The following EML5 variants were observed in gnomAD, a reference collection of about 807,000 sequenced individuals.
EML5 encodes the protein EMAP like 5.
A neutral mutation model predicts 250.0 loss-of-function variants in EML5; 120 were observed. That is an observed-to-expected ratio of 0.48 (90% CI 0.41 to 0.56). The LOEUF (loss-of-function observed/expected upper bound fraction) is 0.56. EML5 is among the 20% of genes least tolerant of loss of function. The pLI is 0.00. For synonymous variants in EML5, 771 were observed against 806.5 expected (o/e 0.96, Z 0.75); for missense variants, 2,006 against 2,437.6 (o/e 0.82, Z 3.73).
intron 1 of EML5, among the ~76,000 whole-genome samples, chr14:88,770,549 G>A (rs890664060): frequency 1.3e-5 from 2 of 152,132 alleles, no homozygotes; most frequent in African/African-American, 4.8e-5. Context: ...GTGGGATCCA[G>A]TACACAAGCA....
chr14:88,679,527 A>C (rs1457902157), intron 21 of EML5, among the ~76,000 whole-genome samples: 2 of 151,922 alleles, frequency 1.3e-5, no homozygotes, highest in Non-Finnish European at 2.9e-5. Flanking sequence ...CTCCATCTCT[A>C]CTAAAAATAC....
intron 27 of EML5, among the ~76,000 whole-genome samples, chr14:88,650,153 G>A (rs2091550364): frequency 6.6e-6 from 1 of 152,152 alleles, no homozygotes; most frequent in African/African-American, 2.4e-5. Flanking sequence ...CATAATATTT[G>A]TTATAAAAAC....
intron 7 of EML5, among the ~76,000 whole-genome samples, chr14:88,734,862 A>G (rs1273900757): frequency 1.3e-5 from 2 of 152,178 alleles, no homozygotes; most frequent in Non-Finnish European, 2.9e-5. Flanking sequence ...AAGGGAAGGA[A>G]GAAAGCTGTA....
intron 21 of EML5, among the ~76,000 whole-genome samples, chr14:88,679,841 A>T (rs2092680624): frequency 6.6e-6 from 1 of 152,222 alleles, no homozygotes; most frequent in South Asian, 2.1e-4. Context: ...GATTATACTT[A>T]TATTTTCATC....
chr14:88,618,294 A>G lies in EML5; in HGVS notation c.5576T>C (p.Val1859Ala), dbSNP rs2088090957. ...SGCYKRHVYE[V>A]PSGKHLMDHA... ...ATCCATAAGATGTTTTCCTGAAGGC[A>G]CTTCATAGACATGCCGTTTATAGCA... Residue 1859 changes from valine (V) to alanine (A), a missense_variant, in exon 41 of 44, where the codon GTG becomes GCG. Around this residue, in one of 7 missense-constraint regions of EML5, gnomAD observed 405 missense variants for 523.3 expected, o/e 0.77. Transcript: ENST00000554922. 1.2e-6 allele frequency: 2 copies of G among 1,613,826 alleles called. No homozygotes were observed. The highest frequency in any genetic ancestry group is 8.5e-7 in the Non-Finnish European group (1 of 1,179,862).
chr14:88,630,023 ATTTTTTTTTT>A (rs58382081), intron 33 of EML5, among the ~76,000 whole-genome samples: 6 of 84,236 alleles, frequency 7.1e-5, no homozygotes, highest in East Asian at 7.3e-4. Context: ...TAAAAACTGT[ATTTTTTTTTT>A]TTTTTTTTTT....
chr14:88,658,087 T>C, intron 26 of EML5, 100 bp downstream of exon 26: 2 of 1,215,456 alleles, frequency 1.6e-6, no homozygotes, highest in South Asian at 2.8e-5. Flanking sequence ...ACCACTACAA[T>C]TATTCAAACA....
At chr14:88,681,723 A>T (rs2092717138) in intron 21 of EML5, among the ~76,000 whole-genome samples, 167 bp downstream of exon 21, 1 of 152,212 alleles carries the variant, frequency 6.6e-6, no homozygotes, top group African/African-American at 2.4e-5. Context: ...GCCAAGACTG[A>T]GTACAATTAC....
chr14:88,719,607 A>C (rs2093557990), intron 8 of EML5, among the ~76,000 whole-genome samples: 1 of 152,008 alleles, frequency 6.6e-6, no homozygotes, highest in South Asian at 2.1e-4. Flanking sequence ...TCAAAGTTCC[A>C]TATGTGTATA....
At chr14:88,785,260 C>G (rs527237375) in intron 1 of EML5, among the ~76,000 whole-genome samples, 10 of 152,038 alleles carry the variant, frequency 6.6e-5, no homozygotes, top group Non-Finnish European at 1.2e-4. Context: ...ATGAATAAGA[C>G]CATTTGATGG....
intron 2 of EML5, among the ~76,000 whole-genome samples, chr14:88,749,174 A>G (rs1181043456): frequency 6.6e-6 from 1 of 152,148 alleles, no homozygotes; most frequent in East Asian, 1.9e-4. Context: ...GCAAATTCTA[A>G]ACAGCAGCCA....
intron 29 of EML5, among the ~76,000 whole-genome samples, chr14:88,646,006 A>G (rs138790766): frequency 1.3e-5 from 2 of 152,298 alleles, no homozygotes; most frequent in Admixed American, 6.5e-5. Context: ...TATCTCAACC[A>G]TTATTCAAAT....
chr14:88,685,210 C>T lies in EML5; in HGVS notation c.2855-68G>A, dbSNP rs2092805287. ...TATAATACAACAGTGTATATATTGC[C>T]AATTAAGCTATTTTGACAGTGAAAA... On this transcript the variant is annotated intron_variant, in intron 19 of 43. Coordinates refer to ENST00000554922, the MANE Select transcript of EML5 (RefSeq NM_183387.3). 8 of 1,308,130 alleles carry T rather than the reference C, an allele frequency of 6.1e-6. No individual in the cohort carries two copies. The East Asian group carries it at 2.0e-4, about 33-fold the overall frequency. The allele number at this position is 1,308,130 out of a possible 1,614,324, so 81.0% of individuals were successfully genotyped here.
intron 21 of EML5, among the ~76,000 whole-genome samples, chr14:88,677,609 A>T (rs1313318312): frequency 6.6e-6 from 1 of 152,242 alleles, no homozygotes; most frequent in Non-Finnish European, 1.5e-5. Flanking sequence ...ATTCACAAGA[A>T]ATAACCCCAT....
At chr14:88,749,685 T>C (rs1390836650) in intron 2 of EML5, among the ~76,000 whole-genome samples, 2 of 152,108 alleles carry the variant, frequency 1.3e-5, no homozygotes, top group Non-Finnish European at 2.9e-5. Context: ...CAAATATACA[T>C]GAAATATCAT....
At chr14:88,627,958 A>C (rs1307609256) in intron 33 of EML5, 139 bp from the exon 34 acceptor site, 2 of 858,998 alleles carry the variant, frequency 2.3e-6, no homozygotes, top group Non-Finnish European at 3.8e-6. Context: ...ACAGCTCAAA[A>C]CTAAGGCTAA....
At chr14:88,692,747 G>A (rs888166786) in intron 17 of EML5, among the ~76,000 whole-genome samples, 2 of 152,286 alleles carry the variant, frequency 1.3e-5, no homozygotes, top group East Asian at 3.9e-4. Context: ...AATTACAAAT[G>A]TAAAAATACT....
chr14:88,661,604 AAC>A, intron 25 of EML5, 48 bp downstream of exon 25: 3 of 1,526,140 alleles, frequency 2.0e-6, no homozygotes, highest in Non-Finnish European at 2.7e-6. Context: ...ACATTACCTT[AAC>A]CATTTCATAA....
At chr14:88,761,608 T>C (rs894952295) in intron 1 of EML5, among the ~76,000 whole-genome samples, 3 of 152,234 alleles carry the variant, frequency 2.0e-5, no homozygotes, top group Non-Finnish European at 4.4e-5. Flanking sequence ...GATGGGCATT[T>C]GGGTTGGTTC....
Sources: gnomAD v4.1 joint callset for allele counts (sites outside exome capture counted in the v4.1 genomes callset) on GRCh38, gnomAD v4.1.1 for gene constraint, gnomAD v4.1.1 regional missense constraint, MANE v1.5 for transcripts, NCBI Gene and HGNC (gene_info 2026-07-23, HGNC 2026-07-21) for gene names.